Variants in CD72 observed in about 807,000 individuals in gnomAD.
CD72 encodes the protein CD72 molecule, also known as B-cell differentiation antigen CD72.
A neutral mutation model predicts 50.7 loss-of-function variants in CD72; 28 were observed. The ratio of observed to expected loss-of-function variants is 0.55; its 90% CI spans 0.41 to 0.76. The LOEUF (loss-of-function observed/expected upper bound fraction) is 0.76, where lower values mean the gene tolerates loss of function less well. Ranked by LOEUF, CD72 falls within the 30% of genes least tolerant of loss-of-function variation. CD72 has a pLI of 0.00. For missense variants in CD72, 403 were observed against 420.6 expected, an observed-to-expected ratio of 0.96 and a Z score of 0.37; for synonymous variants, 176 against 171.2, an observed-to-expected ratio of 1.03 and a Z score of -0.22.
At chr9:35,640,929 A>G (rs1219001757) in intron 1 of CD72, among the ~76,000 whole-genome samples, 3 of 152,142 alleles carry the variant, frequency 2.0e-5, no homozygotes, top group Non-Finnish European at 4.4e-5. Context: ...TTTTTGCCTA[A>G]TTAGCATTTT....
chr9:35,613,666 G>C (rs773528043), intron 5 of CD72, among the ~76,000 whole-genome samples: 11 of 151,982 alleles, frequency 7.2e-5, no homozygotes, highest in Admixed American at 6.6e-5. Context: ...TCCCCACCCT[G>C]CTACTCCCTT....
chr9:35,624,002 G>A (rs995400951), upstream of CD72, among the ~76,000 whole-genome samples: 4 of 151,220 alleles, frequency 2.6e-5, no homozygotes, highest in South Asian at 4.2e-4. Flanking sequence ...GGCTGAAGTC[G>A]GTGGATCACG....
chr9:35,640,718 C>T, intron 1 of CD72, among the ~76,000 whole-genome samples: 1 of 152,148 alleles, frequency 6.6e-6, no homozygotes, highest in Non-Finnish European at 1.5e-5. Flanking sequence ...GGAGCGAAAG[C>T]TCAGCTCGAG....
At chr9:35,644,026 C>T (rs554716356) in intron 1 of CD72, among the ~76,000 whole-genome samples, 5 of 148,806 alleles carry the variant, frequency 3.4e-5, no homozygotes, top group Non-Finnish European at 3.0e-5. Context: ...CACTTTAGAA[C>T]GCTTCTCCTG....
chr9:35,635,540 G>A (rs1177554247), intron 1 of CD72, among the ~76,000 whole-genome samples: 1 of 152,164 alleles, frequency 6.6e-6, no homozygotes, highest in South Asian at 2.1e-4. Context: ...TTTTGTGTTT[G>A]AGCTTCACAC....
Position 35,618,337 on chromosome 9 carries a change from C to G in CD72, c.-34G>C. On this transcript the variant is annotated 5_prime_UTR_variant, in exon 1 of 9. Coordinates refer to ENST00000259633, the MANE Select transcript of CD72 (RefSeq NM_001782.3). Reference sequence around the variant, plus strand: ...GCAGCTCTGCCCCCACTCGTCTTCCCTGTCATCCACTGTCCTCCCTTGCCC... The same window carrying G: ...GCAGCTCTGCCCCCACTCGTCTTCCGTGTCATCCACTGTCCTCCCTTGCCC... 1 of 1,613,612 alleles carries G rather than the reference C, an allele frequency of 6.2e-7. No homozygotes were observed. The highest frequency in any genetic ancestry group is 8.5e-7 in the Non-Finnish European group (1 of 1,179,758).
At chr9:35,638,987 C>G (rs1308015358) in intron 1 of CD72, among the ~76,000 whole-genome samples, 1 of 152,094 alleles carries the variant, frequency 6.6e-6, no homozygotes, top group South Asian at 2.1e-4. Flanking sequence ...GACGCTTTAC[C>G]GCCCTAGACC....
At chr9:35,616,838 T>C (rs1249203576) in intron 3 of CD72, 149 bp from the exon 4 acceptor site, 7 of 994,676 alleles carry the variant, frequency 7.0e-6, no homozygotes, top group Non-Finnish European at 1.1e-5. Flanking sequence ...GTGGTTTCTG[T>C]CGGGTAGCGG....
intron 8 of CD72, 144 bp from the exon 9 acceptor site, chr9:35,610,444 C>G: frequency 3.3e-6 from 1 of 299,802 alleles, no homozygotes; most frequent in South Asian, 3.0e-5. Context: ...CCTGCCCACC[C>G]CACCCTAACA....
At chr9:35,641,185 CG>C (rs35996123) in intron 1 of CD72, among the ~76,000 whole-genome samples, 8,010 of 151,592 alleles carry the variant, frequency 0.053, 307 homozygotes, top group Middle Eastern at 0.11. Context: ...GAGATTTCCT[CG>C]GGGGGGGTGC....
rs763401034 is a variant in CD72 at position 35,630,581 on chromosome 9, G to A, written n.409-12460C>T. 7.1e-4 allele frequency among the ~76,000 whole-genome samples: 108 copies of A among 152,000 alleles called. 1 individual carries two copies. The highest frequency in any genetic ancestry group is 2.8e-4 in the Non-Finnish European group (19 of 68,002). On this transcript the variant is annotated intron_variant and non_coding_transcript_variant, in intron 1 of 3. Coordinates refer to the CD72 transcript ENST00000465754. ...TTTTACTGTATAACTTTATTCATATGAATACTTATGTGTTTCTTGATTAAA... is the reference window on the plus strand; with the variant it reads ...TTTTACTGTATAACTTTATTCATATAAATACTTATGTGTTTCTTGATTAAA...
intron 3 of CD72, 78 bp downstream of exon 3, chr9:35,617,098 C>A: frequency 6.5e-7 from 1 of 1,538,522 alleles, no homozygotes; most frequent in East Asian, 2.5e-5. Flanking sequence ...AGCTGCACCC[C>A]GCGGGGCCCA....
At chr9:35,635,199 G>A (rs926227226) in intron 1 of CD72, among the ~76,000 whole-genome samples, 3 of 152,118 alleles carry the variant, frequency 2.0e-5, no homozygotes, top group Non-Finnish European at 4.4e-5. Flanking sequence ...ATATGTAGCT[G>A]AGTGTGTGTC....
chr9:35,612,945 T>G lies in CD72; in HGVS notation c.737A>C (p.Tyr246Ser). The change falls in exon 6 of 9, where the codon TAC (tyrosine) becomes TCC (serine). Residue 246 changes from tyrosine (Y) to serine (S), a missense_variant. Physicochemically the swap from Tyr to Ser is moderately radical, Grantham distance 144 (BLOSUM62 -2). Coordinates refer to ENST00000259633, the MANE Select transcript of CD72 (RefSeq NM_001782.3). ...CCAATTTTTTGAAGTAAGTGAGATGTAAAAGCAGCTTTTCTGATGCATTAT... is the reference window on the plus strand; with the variant it reads ...CCAATTTTTTGAAGTAAGTGAGATGGAAAAGCAGCTTTTCTGATGCATTAT... ...GWIMHQKSCF[Y>S]ISLTSKNWQE... is the part of the protein sequence containing the mutation. 2 of 1,613,968 alleles carry G rather than the reference T, an allele frequency of 1.2e-6. No individual in the cohort carries two copies. The highest frequency in any genetic ancestry group is 1.7e-6 in the Non-Finnish European group (2 of 1,179,854).
chr9:35,624,250 TAA>T (rs1457200580), upstream of CD72, among the ~76,000 whole-genome samples: 1 of 146,358 alleles, frequency 6.8e-6, no homozygotes, highest in African/African-American at 2.5e-5. Flanking sequence ...ATAATAATAA[TAA>T]TAATAATAAT....
intron 4 of CD72, 89 bp from the exon 5 acceptor site, chr9:35,616,367 G>T: frequency 9.7e-7 from 1 of 1,032,190 alleles, no homozygotes. Context: ...TCTGCTTCTT[G>T]CAACTTTTTG....
chr9:35,617,269 G>T, intron 2 of CD72, 22 bp from the exon 3 acceptor site: 1 of 1,532,680 alleles, frequency 6.5e-7, no homozygotes. Flanking sequence ...AGCATCCAGT[G>T]TGAGACCGGA....
intron 1 of CD72, among the ~76,000 whole-genome samples, chr9:35,632,519 A>G (rs1823255341): frequency 6.8e-6 from 1 of 147,946 alleles, no homozygotes; most frequent in African/African-American, 2.5e-5. Context: ...AATCTTGTCT[A>G]TTTAATCTTT....
At position 35,611,874 on chromosome 9, in the gene CD72, C is replaced by G; in HGVS notation, c.880G>C (p.Gly294Arg). Residue 294 changes from glycine (G) to arginine (R), a missense_variant, in exon 7 of 9, where the codon GGG becomes CGG. By Grantham distance (125) the Gly-to-Arg change is moderately radical. Coordinates refer to ENST00000259633, the MANE Select transcript of CD72 (RefSeq NM_001782.3). ...CTGAGGCCAGTCCAATATGAATTCCCTGAACCACCATTTGGCAACAGTGAA... is the reference window on the plus strand; with the variant it reads ...CTGAGGCCAGTCCAATATGAATTCCGTGAACCACCATTTGGCAACAGTGAA... ...LNSLLPNGGS[G>R]NSYWTGLSSN... 1 of 1,612,624 alleles carries G rather than the reference C, an allele frequency of 6.2e-7. No individual in the cohort carries two copies. The highest frequency in any genetic ancestry group is 8.5e-7 in the Non-Finnish European group (1 of 1,178,598).
Sources: allele counts gnomAD v4.1 joint callset (sites outside exome capture counted in the v4.1 genomes callset), GRCh38; gene constraint gnomAD v4.1.1; transcripts MANE v1.5; gene names NCBI Gene and HGNC (gene_info 2026-07-23, HGNC 2026-07-21).